NCKAP5: variants seen among roughly 807,000 people sequenced by gnomAD.
NCKAP5 encodes the protein nck-associated protein 5.
In NCKAP5, 92 loss-of-function variants were observed where a neutral mutation model predicts 167.0. The ratio of observed to expected loss-of-function variants is 0.55; its 90% confidence interval spans 0.47 to 0.66. The LOEUF (loss-of-function observed/expected upper bound fraction) is 0.66. Ranked by LOEUF, NCKAP5 falls within the 30% of genes least tolerant of loss-of-function variation. The probability of loss-of-function intolerance (pLI) is 0.00; values close to 1 mark genes in which losing one functional copy is unlikely to be tolerated. For synonymous variants in NCKAP5, 891 were observed against 877.4 expected (o/e 1.02, Z -0.27); for missense variants, 2,378 against 2,315.0 (o/e 1.03, Z -0.56).
At chr2:133,099,136 C>G (rs1353672306) in intron 6 of NCKAP5, among the ~76,000 whole-genome samples, 1 of 152,040 alleles carries the variant, frequency 6.6e-6, no homozygotes, top group Non-Finnish European at 1.5e-5. Context: ...GTTCTTTGAA[C>G]TAGCTATTCT....
intron 3 of NCKAP5, among the ~76,000 whole-genome samples, chr2:133,466,883 T>G (rs1475362145): frequency 6.6e-6 from 1 of 152,230 alleles, no homozygotes; most frequent in Non-Finnish European, 1.5e-5. Context: ...TTTGCTGAAG[T>G]TGCTTATCAG....
At chr2:133,202,709 C>T (rs533907172) in intron 5 of NCKAP5, among the ~76,000 whole-genome samples, 66 of 152,132 alleles carry the variant, frequency 4.3e-4, no homozygotes, top group African/African-American at 1.5e-3. Flanking sequence ...ATCAAACAAC[C>T]CCATCAAAAA....
intron 6 of NCKAP5, among the ~76,000 whole-genome samples, chr2:133,108,702 A>C (rs531117469): frequency 3.3e-5 from 5 of 151,758 alleles, no homozygotes; most frequent in Non-Finnish European, 5.9e-5. Flanking sequence ...CCTTTCTCTC[A>C]CTCTCCAATC....
At chr2:133,285,238 A>G (rs1202899603) in intron 4 of NCKAP5, among the ~76,000 whole-genome samples, 4 of 152,268 alleles carry the variant, frequency 2.6e-5, no homozygotes, top group Non-Finnish European at 5.9e-5. Context: ...TCCAATGTCT[A>G]GCAAGCATTT....
chr2:132,818,170 A>G (rs1005053606), intron 11 of NCKAP5, among the ~76,000 whole-genome samples: 2 of 152,142 alleles, frequency 1.3e-5, no homozygotes, highest in Admixed American at 6.5e-5. Context: ...CTGGTTTCCA[A>G]CTACTGGGCT....
intron 16 of NCKAP5, among the ~76,000 whole-genome samples, chr2:132,736,264 C>A (rs901177410): frequency 6.6e-6 from 1 of 152,114 alleles, no homozygotes; most frequent in Non-Finnish European, 1.5e-5. Context: ...ATGCTGACAC[C>A]ATCTTTATGT....
intron 5 of NCKAP5, among the ~76,000 whole-genome samples, chr2:133,155,176 C>T (rs2149906227): frequency 6.6e-6 from 1 of 152,304 alleles, no homozygotes; most frequent in East Asian, 1.9e-4. Context: ...AATCTGTTTT[C>T]TGCCTCTGGC....
At chr2:132,954,728 A>G (rs1393231899) in intron 8 of NCKAP5, 3 of 449,866 alleles carry the variant, frequency 6.7e-6, no homozygotes, top group African/African-American at 6.0e-5. Flanking sequence ...CTAGAAATAT[A>G]TATGCTGAAA....
At position 132,869,963 on chromosome 2, in the gene NCKAP5, G is replaced by A. The variant is rs1169514908; in HGVS notation, c.649-989C>T. On this transcript the variant is annotated intron_variant, in intron 9 of 19. Coordinates refer to ENST00000409261, the MANE Select transcript of NCKAP5 (RefSeq NM_207363.3). The stretch of plus-strand genomic sequence containing the variant: ...TATAATTCTTAGTAATTTTTTCAGG[G>A]ATCTCATTTTCTTCAAGTATCAGGC... 2.6e-5 allele frequency among the ~76,000 whole-genome samples: 4 copies of A among 152,072 alleles called. No individual in the cohort carries two copies. In the East Asian group the frequency reaches 7.7e-4, roughly 29 times the overall value.
intron 7 of NCKAP5, among the ~76,000 whole-genome samples, chr2:132,971,664 C>G (rs890137669): frequency 6.6e-6 from 1 of 152,188 alleles, no homozygotes; most frequent in African/African-American, 2.4e-5. Context: ...AAATGAGAAC[C>G]CACAGTTTGT....
At position 132,878,908 on chromosome 2, in the gene NCKAP5, A is replaced by G; in HGVS notation, c.588T>C (p.Asn196=). The G allele has an allele frequency of 6.2e-7, 1 of 1,612,958 alleles. No individual in the cohort carries two copies. Residue 196 remains asparagine (N), a synonymous_variant, in exon 9 of 20, where the codon AAT becomes AAC. Transcript: ENST00000409261. Reference sequence around the variant, plus strand: ...TTTCATTCTCCAAAGCCAACGCTGAATTCTCTGCCTGCAGTAAGATACAAA... The same window carrying G: ...TTTCATTCTCCAAAGCCAACGCTGAGTTCTCTGCCTGCAGTAAGATACAAA... The part of the protein sequence containing the change: ...LERLKALEAE[N]SALALENENQ...
intron 3 of NCKAP5, among the ~76,000 whole-genome samples, chr2:133,490,094 T>C (rs1472635403): frequency 6.6e-6 from 1 of 152,196 alleles, no homozygotes; most frequent in East Asian, 1.9e-4. Context: ...GGAACAACCC[T>C]TGGCATCTTT....
intron 4 of NCKAP5, among the ~76,000 whole-genome samples, chr2:133,254,416 C>T (rs990948602): frequency 5.3e-5 from 8 of 152,092 alleles, no homozygotes; most frequent in African/African-American, 7.2e-5. Context: ...GATACTTCGA[C>T]GAGGCTGAGC....
chr2:133,134,022 C>T (rs2082699667), intron 5 of NCKAP5, among the ~76,000 whole-genome samples: 5 of 152,182 alleles, frequency 3.3e-5, no homozygotes. Context: ...TTAAGCATGA[C>T]ACAAATCTTA....
chr2:133,544,634 T>G (rs576035946), intron 2 of NCKAP5, among the ~76,000 whole-genome samples: 4 of 152,188 alleles, frequency 2.6e-5, no homozygotes, highest in Non-Finnish European at 5.9e-5. Flanking sequence ...ACAAATAACT[T>G]ATCACTATTA....
intron 3 of NCKAP5, among the ~76,000 whole-genome samples, chr2:133,467,418 TTTA>T (rs1260986912): frequency 6.6e-6 from 1 of 152,224 alleles, no homozygotes; most frequent in African/African-American, 2.4e-5. Context: ...TTGCCAGTAT[TTTA>T]TTGAGGATTT....
chr2:133,577,013 T>C, the NCKAP5 span, among the ~76,000 whole-genome samples: 1 of 152,184 alleles, frequency 6.6e-6, no homozygotes, highest in South Asian at 2.1e-4. Context: ...CCTAAGCCTC[T>C]GGTATTTGGA....
chr2:132,745,048 T>C lies in NCKAP5; in HGVS notation c.5129-12997A>G, dbSNP rs907489818. ...GAATTTATAAGGATGAAAAAAATGATCATTTCTTTATAAACTCCTTTAGAA... is the reference window on the plus strand; with the variant it reads ...GAATTTATAAGGATGAAAAAAATGACCATTTCTTTATAAACTCCTTTAGAA... On this transcript the variant is annotated intron_variant, in intron 16 of 19. Coordinates refer to ENST00000409261, the MANE Select transcript of NCKAP5 (RefSeq NM_207363.3). 3.4e-4 allele frequency among the ~76,000 whole-genome samples: 52 copies of C among 151,792 alleles called. 1 individual carries two copies. The highest frequency in any genetic ancestry group is 1.0e-4 in the Non-Finnish European group (7 of 67,734).
intron 6 of NCKAP5, among the ~76,000 whole-genome samples, chr2:133,056,090 A>G (rs184782509): frequency 5.3e-5 from 8 of 152,296 alleles, no homozygotes; most frequent in African/African-American, 1.9e-4. Context: ...CAGGAAAGTT[A>G]TATGATTGAA....
Sources: allele counts gnomAD v4.1 joint callset (sites outside exome capture counted in the v4.1 genomes callset), GRCh38; gene constraint gnomAD v4.1.1; transcripts MANE v1.5; gene names NCBI Gene and HGNC (gene_info 2026-07-23, HGNC 2026-07-21).